Variants in NOX4 observed in about 807,000 individuals in gnomAD.
NOX4 encodes the protein NADPH oxidase 4.
Under a neutral mutation model 87.6 loss-of-function variants are expected in NOX4, and 69 were observed. The ratio of observed to expected loss-of-function variants is 0.79; its 90% CI spans 0.65 to 0.96. The LOEUF (loss-of-function observed/expected upper bound fraction) is 0.96, where lower values mean the gene tolerates loss of function less well. Among genes scored for constraint, NOX4 ranks in the 40% least tolerant of loss-of-function variants. The pLI, the probability that NOX4 is intolerant of heterozygous loss-of-function variation, is 0.00. For missense variants in NOX4, 680 were observed against 681.5 expected (o/e 1.00, Z 0.02); for synonymous variants, 275 against 238.2 (o/e 1.15, Z -1.42).
the NOX4 span, among the ~76,000 whole-genome samples, chr11:89,569,215 T>G: frequency 8.2e-5 from 12 of 147,022 alleles, no homozygotes; most frequent in Admixed American, 2.7e-4. Context: ...ACAAGTAGGA[T>G]CTAATTAAAG....
chr11:89,580,738 G>A, the NOX4 span, among the ~76,000 whole-genome samples: 1 of 152,082 alleles, frequency 6.6e-6, no homozygotes, highest in East Asian at 1.9e-4. Context: ...TTGTAAGGCA[G>A]ATACAAAATA....
Position 89,374,737 on chromosome 11 carries a change from G to A in NOX4, c.1075-1245C>T, listed in dbSNP as rs57672778. 1.8e-3 allele frequency among the ~76,000 whole-genome samples: 276 copies of A among 152,210 alleles called. 2 individuals carry two copies. The highest frequency in any genetic ancestry group is 6.4e-3 in the African/African-American group (268 of 41,552). The stretch of plus-strand genomic sequence containing the variant: ...AATCAAACGAAATAGGAGGAAAAAA[G>A]GCATGTGTTGATCATTAGTAGAATT... On this transcript the variant is annotated intron_variant, in intron 11 of 17. Coordinates refer to ENST00000263317, the MANE Select transcript of NOX4 (RefSeq NM_016931.5).
intron 6 of NOX4, among the ~76,000 whole-genome samples, chr11:89,438,293 A>C (rs201414439): frequency 3.0e-5 from 4 of 132,654 alleles, no homozygotes; most frequent in African/African-American, 1.1e-4. Flanking sequence ...ACTACATATA[A>C]AATATTTTGA....
At chr11:89,573,266 G>GGT in the NOX4 span, among the ~76,000 whole-genome samples, 1 of 152,186 alleles carries the variant, frequency 6.6e-6, no homozygotes, top group Non-Finnish European at 1.5e-5. Flanking sequence ...GGCTGGGCAT[G>GGT]GTGGCTCATG....
chr11:89,403,566 C>T (rs1284571541), intron 8 of NOX4, among the ~76,000 whole-genome samples: 2 of 151,970 alleles, frequency 1.3e-5, no homozygotes, highest in East Asian at 3.9e-4. Context: ...AGGGAGAAGC[C>T]CCGTCTCTAC....
chr11:89,542,937 TTGAAATTCTGTTG>T, the NOX4 span, among the ~76,000 whole-genome samples: 1 of 152,186 alleles, frequency 6.6e-6, no homozygotes, highest in Non-Finnish European at 1.5e-5. Flanking sequence ...GGGAAGTATA[TTGAAATTCTGTTG>T]GAGGAGCAGA....
chr11:89,400,969 T>C (rs1941815756), intron 9 of NOX4, among the ~76,000 whole-genome samples: 2 of 152,058 alleles, frequency 1.3e-5, no homozygotes, highest in Admixed American at 6.6e-5. Context: ...ATTTATAATT[T>C]GGAAACCATG....
At chr11:89,474,630 T>A (rs1379234817) in intron 2 of NOX4, among the ~76,000 whole-genome samples, 1 of 152,018 alleles carries the variant, frequency 6.6e-6, no homozygotes, top group Non-Finnish European at 1.5e-5. Context: ...TACTGAATAA[T>A]ATGCACATGT....
chr11:89,388,449 A>T (rs1259512731), intron 11 of NOX4, among the ~76,000 whole-genome samples: 1 of 152,156 alleles, frequency 6.6e-6, no homozygotes, highest in Admixed American at 6.5e-5. Flanking sequence ...TGGCCCCCTG[A>T]CTTCAAGACA....
At chr11:89,434,945 G>A (rs914544713) in intron 6 of NOX4, among the ~76,000 whole-genome samples, 1 of 151,986 alleles carries the variant, frequency 6.6e-6, no homozygotes, top group African/African-American at 2.4e-5. Context: ...ATAGAAAGCA[G>A]ATCAGTTGCT....
At chr11:89,523,034 T>C in the NOX4 span, among the ~76,000 whole-genome samples, 9 of 152,154 alleles carry the variant, frequency 5.9e-5, no homozygotes, top group East Asian at 1.7e-3. Flanking sequence ...TCTTTTCTTT[T>C]TTTTCTTTTT....
chr11:89,488,795 A>G (rs1184369373), intron 2 of NOX4: 1 of 509,220 alleles, frequency 2.0e-6, no homozygotes, highest in Non-Finnish European at 3.4e-6. Context: ...ATTAAGTTAC[A>G]CCTAATGGGG....
chr11:89,550,568 A>G, the NOX4 span, among the ~76,000 whole-genome samples: 1 of 151,744 alleles, frequency 6.6e-6, no homozygotes, highest in Non-Finnish European at 1.5e-5. Context: ...TTTTTTTCAT[A>G]TGTTTCTTGG....
At chr11:89,387,400 A>C (rs1393659421) in intron 11 of NOX4, among the ~76,000 whole-genome samples, 1 of 151,622 alleles carries the variant, frequency 6.6e-6, no homozygotes, top group East Asian at 2.0e-4. Flanking sequence ...TTTGACTGTA[A>C]TTTTCCATTA....
chr11:89,446,814 T>C (rs1299451740), intron 4 of NOX4, among the ~76,000 whole-genome samples: 6 of 152,138 alleles, frequency 3.9e-5, no homozygotes, highest in Non-Finnish European at 8.8e-5. Context: ...TACACATTTG[T>C]GCAAACCCAT....
chr11:89,360,272 T>C (rs1938418738), intron 12 of NOX4, among the ~76,000 whole-genome samples: 1 of 152,082 alleles, frequency 6.6e-6, no homozygotes. Flanking sequence ...TCTTCACTCA[T>C]ACAGTCTGCA....
chr11:89,545,354 T>C, the NOX4 span: 2 of 152,186 alleles, frequency 1.3e-5, no homozygotes, highest in South Asian at 2.1e-4. Flanking sequence ...ATGACTTTTC[T>C]GGTTTTTAAT....
In NOX4 at chr11:89,425,352, A is replaced by G. The variant is rs1315781414; in HGVS notation, c.549-3370T>C. Among the ~76,000 whole-genome samples, 3 of 151,294 alleles carry G rather than the reference A, an allele frequency of 2.0e-5. No individual in the cohort carries two copies. The East Asian group carries it at 5.8e-4, about 29-fold the overall frequency. On this transcript the variant is annotated intron_variant, in intron 7 of 17. Transcript: ENST00000263317. ...TCTAAGAATTTTTCCTTAGGACATC[A>G]TTGAAAAAGCATGCAAAGACATATG... is the stretch of plus-strand genomic sequence containing the variant.
intron 11 of NOX4, among the ~76,000 whole-genome samples, chr11:89,381,580 C>T (rs1298715699): frequency 1.3e-5 from 2 of 152,200 alleles, no homozygotes; most frequent in African/African-American, 4.8e-5. Flanking sequence ...TCTTTTCAGA[C>T]TCAGCCCATC....
Sources: allele counts gnomAD v4.1 joint callset (sites outside exome capture counted in the v4.1 genomes callset), GRCh38; gene constraint gnomAD v4.1.1; transcripts MANE v1.5; gene names NCBI Gene and HGNC (gene_info 2026-07-23, HGNC 2026-07-21).